The following SKIC3 variants were observed in gnomAD, a reference collection of about 807,000 sequenced individuals.
SKIC3 encodes the protein SKI3 subunit of superkiller complex.
chr5:95,475,022 C>T, the SKIC3 span, among the ~76,000 whole-genome samples: 1 of 152,142 alleles, frequency 6.6e-6, no homozygotes, highest in African/African-American at 2.4e-5. Context: ...TTACCGGATT[C>T]CTTGGATTGG....
the SKIC3 span, among the ~76,000 whole-genome samples, chr5:95,514,120 AAG>A: frequency 6.6e-6 from 1 of 152,184 alleles, no homozygotes; most frequent in Non-Finnish European, 1.5e-5. Context: ...AATTAGGCCC[AAG>A]AGTCTAAAAT....
At chr5:95,544,833 A>G in the SKIC3 span, among the ~76,000 whole-genome samples, 1 of 152,250 alleles carries the variant, frequency 6.6e-6, no homozygotes, top group Non-Finnish European at 1.5e-5. Context: ...CTGAAAGAAC[A>G]TAGAGAAAAA....
the SKIC3 span, among the ~76,000 whole-genome samples, chr5:95,466,318 G>T: frequency 6.6e-6 from 1 of 152,098 alleles, no homozygotes; most frequent in Non-Finnish European, 1.5e-5. Context: ...TTTTTTTAAA[G>T]ATAATACGAA....
the SKIC3 span, among the ~76,000 whole-genome samples, chr5:95,493,467 A>T: frequency 6.6e-6 from 1 of 152,190 alleles, no homozygotes; most frequent in Non-Finnish European, 1.5e-5. Context: ...ATTGAGAGTA[A>T]GTCTATCTAA....
the SKIC3 span, among the ~76,000 whole-genome samples, chr5:95,551,154 A>C: frequency 6.6e-6 from 1 of 152,164 alleles, no homozygotes; most frequent in South Asian, 2.1e-4. Flanking sequence ...AAAACAGAGA[A>C]ATTTTTTTAA....
the SKIC3 span, chr5:95,516,525 A>C: frequency 6.2e-7 from 1 of 1,613,366 alleles, no homozygotes; most frequent in Admixed American, 1.7e-5. Flanking sequence ...GAATACTCAC[A>C]ATTTGTTCTG....
the SKIC3 span, among the ~76,000 whole-genome samples, chr5:95,539,525 G>A: frequency 2.6e-5 from 4 of 152,196 alleles, no homozygotes; most frequent in East Asian, 7.7e-4. Flanking sequence ...AACCATTATG[G>A]AAAACAGTGC....
chr5:95,507,930 C>CGA, the SKIC3 span, among the ~76,000 whole-genome samples: 1 of 138,754 alleles, frequency 7.2e-6, no homozygotes, highest in African/African-American at 2.6e-5. Context: ...CGATACATAC[C>CGA]AAAAAAAAAA....
the SKIC3 span, chr5:95,512,652 T>C: frequency 3.1e-6 from 5 of 1,612,926 alleles, no homozygotes; most frequent in Non-Finnish European, 4.2e-6. Flanking sequence ...AGACATAGGA[T>C]AATAAATGTG....
At chr5:95,502,748 G>T in the SKIC3 span, 1 of 1,094,848 alleles carries the variant, frequency 9.1e-7, no homozygotes, top group Non-Finnish European at 1.4e-6. Context: ...TATCAATTCA[G>T]AACCAGGTGG....
the SKIC3 span, chr5:95,514,944 A>G: frequency 1.9e-6 from 3 of 1,609,942 alleles, no homozygotes; most frequent in South Asian, 3.3e-5. Context: ...AAGGCAAAAA[A>G]TATTACAGCA....
the SKIC3 span, chr5:95,469,657 C>T: frequency 1.0e-5 from 13 of 1,302,540 alleles, no homozygotes; most frequent in Non-Finnish European, 1.4e-5. Flanking sequence ...ATATAAATAC[C>T]CCCCAAAGTT....
the SKIC3 span, chr5:95,494,952 G>A: frequency 6.2e-7 from 1 of 1,613,150 alleles, no homozygotes; most frequent in Admixed American, 1.7e-5. Flanking sequence ...CTTTGTACTA[G>A]GACAAACTAA....
At chr5:95,523,141 G>A in the SKIC3 span, 1 of 1,598,946 alleles carries the variant, frequency 6.3e-7, no homozygotes. Context: ...CAATTAAAAT[G>A]CTTAATTTAA....
chr5:95,537,458 G>A, the SKIC3 span, among the ~76,000 whole-genome samples: 1 of 152,200 alleles, frequency 6.6e-6, no homozygotes, highest in African/African-American at 2.4e-5. Context: ...TGCTAGTATA[G>A]CTGCTACTGC....
the SKIC3 span, chr5:95,529,190 C>A: frequency 6.6e-6 from 7 of 1,062,692 alleles, no homozygotes; most frequent in African/African-American, 3.2e-5. Context: ...AATCAGACTC[C>A]TCCCCTCTTC....
At chr5:95,509,545 C>T in the SKIC3 span, 1 of 1,376,188 alleles carries the variant, frequency 7.3e-7, no homozygotes. Context: ...CTCCAGGAAC[C>T]CTTCCCCTCA....
chr5:95,472,729 C>G, the SKIC3 span, among the ~76,000 whole-genome samples: 1 of 151,846 alleles, frequency 6.6e-6, no homozygotes, highest in South Asian at 2.1e-4. Context: ...GAGCATAATA[C>G]CCAACAGGTA....
At chr5:95,486,323 C>A in the SKIC3 span, among the ~76,000 whole-genome samples, 2 of 152,166 alleles carry the variant, frequency 1.3e-5, no homozygotes, top group Non-Finnish European at 2.9e-5. Flanking sequence ...TGGTAAGGAG[C>A]AGCCATGCAT....
Sources: gnomAD v4.1 joint callset for allele counts (sites outside exome capture counted in the v4.1 genomes callset) on GRCh38, gnomAD v4.1.1 for gene constraint, MANE v1.5 for transcripts, NCBI Gene and HGNC (gene_info 2026-07-23, HGNC 2026-07-21) for gene names.